IGF2R: variants seen among roughly 807,000 people sequenced by gnomAD.
IGF2R encodes the protein insulin like growth factor 2 receptor.
Under a neutral mutation model 270.6 loss-of-function variants are expected in IGF2R, and 91 were observed. That is an observed-to-expected ratio of 0.34 (90% confidence interval 0.28 to 0.40). The LOEUF (loss-of-function observed/expected upper bound fraction) is 0.40. Among genes scored for constraint, IGF2R ranks in the 10% least tolerant of loss-of-function variants. IGF2R has a pLI of 1.00. For synonymous variants in IGF2R, 1,316 were observed against 1,258.9 expected (o/e 1.05, Z -0.96); for missense variants, 2,805 against 3,188.3 (o/e 0.88, Z 2.90).
intron 41 of IGF2R, among the ~76,000 whole-genome samples, chr6:160,087,052 T>A (rs1435577573): frequency 6.6e-6 from 1 of 152,122 alleles, no homozygotes; most frequent in Non-Finnish European, 1.5e-5. Flanking sequence ...CTGGCGGCCA[T>A]GCTGCCCCAG....
Position 160,075,733 on chromosome 6 carries a change from C to T in IGF2R, c.5167-114C>T, listed in dbSNP as rs570180951. Reference sequence around the variant, plus strand: ...AAACCCAGTTTCTTTAGATGCTGCTCATTCTCAGAACCTATGAGGTCTGGT... The same window carrying T: ...AAACCCAGTTTCTTTAGATGCTGCTTATTCTCAGAACCTATGAGGTCTGGT... On this transcript the variant is annotated intron_variant, in intron 35 of 47. Transcript: ENST00000356956. The T allele has an allele frequency of 4.8e-6, 5 of 1,038,354 alleles. No homozygotes were observed. In the Admixed American group the frequency reaches 6.4e-5, roughly 13 times the overall value. 64.3% of individuals were successfully genotyped at this position (1,038,354 alleles called of 1,614,324 possible).
At chr6:159,970,278 T>G (rs1324491865) in intron 1 of IGF2R, among the ~76,000 whole-genome samples, 1 of 152,196 alleles carries the variant, frequency 6.6e-6, no homozygotes, top group East Asian at 1.9e-4. Context: ...AGCTTTTGTT[T>G]ATTTTTTTAA....
At chr6:160,013,782 A>G (rs1420921583) in intron 4 of IGF2R, among the ~76,000 whole-genome samples, 1 of 152,238 alleles carries the variant, frequency 6.6e-6, no homozygotes, top group African/African-American at 2.4e-5. Flanking sequence ...ACTGAAAAGC[A>G]TAATGACTGC....
At chr6:159,975,897 T>C (rs1453720631) in intron 1 of IGF2R, among the ~76,000 whole-genome samples, 3 of 151,428 alleles carry the variant, frequency 2.0e-5, no homozygotes, top group African/African-American at 7.3e-5. Flanking sequence ...TGTTTACTAA[T>C]ACTTTATGAA....
At chr6:160,047,466 G>A in intron 16 of IGF2R, 130 bp downstream of exon 16, 1 of 783,132 alleles carries the variant, frequency 1.3e-6, no homozygotes, top group Non-Finnish European at 2.0e-6. Context: ...TTGCCAGGGT[G>A]CCTGGGCAGT....
intron 37 of IGF2R, among the ~76,000 whole-genome samples, 156 bp downstream of exon 37, chr6:160,078,518 G>A (rs530547345): frequency 1.3e-5 from 2 of 152,230 alleles, no homozygotes; most frequent in African/African-American, 4.8e-5. Context: ...GGCATGCCAG[G>A]TCTCAGGAAG....
intron 45 of IGF2R, among the ~76,000 whole-genome samples, chr6:160,098,555 A>G (rs1374963573): frequency 6.6e-6 from 1 of 152,172 alleles, no homozygotes; most frequent in Non-Finnish European, 1.5e-5. Flanking sequence ...GCGGTGGCTC[A>G]CGCTTGTAAT....
rs75626141 is a variant in IGF2R at position 160,051,215 on chromosome 6, T to C, written c.2694+563T>C. ...GGGAGATAGGGGATGTAGACAGTTCTTTTGACGGGGCAGCAAATGATTATT... is the reference window on the plus strand; with the variant it reads ...GGGAGATAGGGGATGTAGACAGTTCCTTTGACGGGGCAGCAAATGATTATT... On this transcript the variant is annotated intron_variant, in intron 19 of 47. Transcript: ENST00000356956. Among the ~76,000 whole-genome samples the C allele has an allele frequency of 4.4e-3, 669 of 152,348 alleles. 4 individuals carry two copies. The highest frequency in any genetic ancestry group is 0.015 in the African/African-American group (637 of 41,586).
intron 2 of IGF2R, among the ~76,000 whole-genome samples, chr6:159,993,613 T>G (rs1308074574): frequency 1.3e-5 from 2 of 152,198 alleles, no homozygotes; most frequent in African/African-American, 4.8e-5. Flanking sequence ...TGCTGTTTGA[T>G]TACTATAGCC....
In IGF2R at chr6:160,061,829, C is replaced by T. The variant is rs761710996; in HGVS notation, c.3483C>T (p.Ala1161=). 30 of 1,614,002 alleles carry T rather than the reference C, an allele frequency of 1.9e-5. No homozygotes were observed. Among genetic ancestry groups the T allele is most frequent in the Middle Eastern group, 3.3e-4 (2 of 6,084 alleles). The change falls in exon 25 of 48, where the codon GCC becomes GCT. Residue 1161 remains alanine (A), a synonymous_variant. Transcript: ENST00000356956. ...NLGVVQMSPQ[A]AANGSLSIMY... ...GTGTGGTGCAGATGAGTCCCCAAGCCGCGGCGAATGGATCTTTGAGCATCA... is the reference window on the plus strand; with the variant it reads ...GTGTGGTGCAGATGAGTCCCCAAGCTGCGGCGAATGGATCTTTGAGCATCA...
rs753133503 is a variant in IGF2R at position 160,047,204 on chromosome 6, A to G, written c.2097A>G (p.Ser699=). The G allele has an allele frequency of 5.0e-6, 8 of 1,614,038 alleles. No individual in the cohort carries two copies. In the Admixed American group the frequency reaches 5.0e-5, roughly 10 times the overall value. Residue 699 remains serine, a synonymous_variant, in exon 16 of 48, where the codon TCA becomes TCG. Transcript: ENST00000356956. ...WNLGLSNAKL[S]YYDGMIQLNY... is the part of the protein sequence containing the mutation. ...TGGGTCTGAGTAATGCGAAGCTTTC[A>G]TATTATGATGGGATGATCCAACTGA...
Position 160,104,757 on chromosome 6 carries a change from G to A in IGF2R, c.7149G>A (p.Lys2383=). The A allele has an allele frequency of 6.2e-7, 1 of 1,614,152 alleles. No homozygotes were observed. The highest frequency in any genetic ancestry group is 8.5e-7 in the Non-Finnish European group (1 of 1,180,018). ...EIQLPPPRQG[K]EGQENGHITT... is the part of the protein sequence containing the mutation. ...AGCTGCCTCCTCCACGGCAGGGAAA[G>A]GAAGGGCAGGAGAACGGCCATATTA... The change falls in exon 48 of 48, where the codon AAG becomes AAA. Residue 2383 remains lysine, a synonymous_variant. Transcript: ENST00000356956.
intron 1 of IGF2R, among the ~76,000 whole-genome samples, chr6:159,976,028 T>G (rs9347367): frequency 0.25 from 37,169 of 151,560 alleles, 4,960 homozygotes; most frequent in East Asian, 0.49. Flanking sequence ...TAGCTTTTAG[T>G]ATTTTTGTAT....
intron 41 of IGF2R, among the ~76,000 whole-genome samples, chr6:160,087,421 C>G (rs1386874449): frequency 6.6e-6 from 1 of 152,168 alleles, no homozygotes; most frequent in Non-Finnish European, 1.5e-5. Flanking sequence ...TTGGACAGTG[C>G]CCTGTTCTGC....
intron 19 of IGF2R, among the ~76,000 whole-genome samples, chr6:160,054,633 G>A (rs756956056): frequency 3.9e-5 from 6 of 152,170 alleles, no homozygotes; most frequent in Admixed American, 2.0e-4. Flanking sequence ...CTCCCACCCC[G>A]TCATGGACAG....
Position 160,046,583 on chromosome 6 carries a change from G to T in IGF2R, c.1989G>T (p.Val663=), listed in dbSNP as rs1278242187. The T allele has an allele frequency of 5.0e-6, 8 of 1,613,902 alleles. No individual in the cohort carries two copies. Among genetic ancestry groups the T allele is most frequent in the Non-Finnish European group, 6.8e-6 (8 of 1,179,990 alleles). The change falls in exon 15 of 48, where the codon GTG becomes GTT. Residue 663 remains valine, a synonymous_variant. Coordinates refer to ENST00000356956, the MANE Select transcript of IGF2R (RefSeq NM_000876.4). ...AGAAGTATGACTTTTATATAAATGT[G>T]TGTGGCCCGGTGTCTGTGAGCCCCT... ...ETKKYDFYIN[V]CGPVSVSPCQ... is the part of the protein sequence containing the mutation.
At chr6:159,981,340 T>TGTGTGTGTGTGA (rs1783800321) in intron 1 of IGF2R, among the ~76,000 whole-genome samples, 1 of 151,518 alleles carries the variant, frequency 6.6e-6, no homozygotes, top group Admixed American at 6.6e-5. Flanking sequence ...TGTGTCTGAG[T>TGTGTGTGTGTGA]GTGTGTGTGT....
intron 1 of IGF2R, among the ~76,000 whole-genome samples, chr6:159,981,879 C>T (rs757804581): frequency 9.2e-5 from 14 of 152,214 alleles, no homozygotes; most frequent in Non-Finnish European, 7.3e-5. Flanking sequence ...CTCCATACAC[C>T]GGGCTTCCTT....
chr6:160,020,618 T>C (rs1777409914), intron 4 of IGF2R, among the ~76,000 whole-genome samples: 1 of 152,112 alleles, frequency 6.6e-6, no homozygotes, highest in African/African-American at 2.4e-5. Flanking sequence ...TGGAACAGAA[T>C]AGAAAACCCA....
Sources: allele counts gnomAD v4.1 joint callset (sites outside exome capture counted in the v4.1 genomes callset), GRCh38; gene constraint gnomAD v4.1.1; transcripts MANE v1.5; gene names NCBI Gene and HGNC (gene_info 2026-07-23, HGNC 2026-07-21).